The following CEP85L variants were observed in gnomAD, a reference collection of about 807,000 sequenced individuals.
The protein encoded by CEP85L is centrosomal protein of 85 kDa-like.
In CEP85L, 60 loss-of-function variants were observed where a neutral mutation model predicts 100.3. That is an observed-to-expected ratio of 0.60 (90% CI 0.49 to 0.74). The LOEUF (loss-of-function observed/expected upper bound fraction) is 0.74, where lower values mean the gene tolerates loss of function less well. Ranked by LOEUF, CEP85L falls within the 30% of genes least tolerant of loss-of-function variation. CEP85L has a pLI of 0.00. For missense variants in CEP85L, 973 were observed against 936.2 expected (o/e 1.04, Z -0.51); for synonymous variants, 319 against 322.7 (o/e 0.99, Z 0.12).
chr6:118,517,229 CTT>C (rs1410577750), intron 4 of CEP85L, among the ~76,000 whole-genome samples: 1 of 152,122 alleles, frequency 6.6e-6, no homozygotes, highest in Non-Finnish European at 1.5e-5. Context: ...TATCTAGACT[CTT>C]TTTTGGTTCC....
At chr6:118,680,823 C>T (rs1440865449) in intron 1 of CEP85L, among the ~76,000 whole-genome samples, 1 of 151,972 alleles carries the variant, frequency 6.6e-6, no homozygotes, top group East Asian at 1.9e-4. Flanking sequence ...CTGCAGTGAG[C>T]CAAGATCATG....
chr6:118,633,451 G>A (rs1774301688), intron 1 of CEP85L, among the ~76,000 whole-genome samples: 2 of 152,052 alleles, frequency 1.3e-5, no homozygotes, highest in Non-Finnish European at 2.9e-5. Context: ...TGATCCACCC[G>A]CCTCCGCCTC....
intron 2 of CEP85L, among the ~76,000 whole-genome samples, chr6:118,597,923 T>C (rs1222866723): frequency 6.6e-6 from 1 of 152,218 alleles, no homozygotes; most frequent in Non-Finnish European, 1.5e-5. Context: ...CCCAGGTTAA[T>C]ACCGTAATAC....
At chr6:118,564,066 T>G (rs1437096173) in intron 3 of CEP85L, among the ~76,000 whole-genome samples, 1 of 152,200 alleles carries the variant, frequency 6.6e-6, no homozygotes, top group Non-Finnish European at 1.5e-5. Context: ...CTCTCTACTA[T>G]GCACTAGAAA....
chr6:118,578,602 G>A (rs190557879), intron 2 of CEP85L, among the ~76,000 whole-genome samples: 24 of 152,142 alleles, frequency 1.6e-4, no homozygotes, highest in Admixed American at 5.9e-4. Context: ...GGTGGTGGGC[G>A]CCTGTAATCC....
chr6:118,594,982 A>C (rs73766572), intron 2 of CEP85L, among the ~76,000 whole-genome samples: 4,087 of 152,168 alleles, frequency 0.027, 189 homozygotes, highest in African/African-American at 0.093. Context: ...TGTCCTGAGG[A>C]AGGTTACGAG....
At chr6:118,690,285 A>C (rs1215685353) in intron 1 of CEP85L, among the ~76,000 whole-genome samples, 2 of 152,146 alleles carry the variant, frequency 1.3e-5, no homozygotes, top group African/African-American at 4.8e-5. Context: ...CAAATTTGTC[A>C]TGTCTAACTA....
At chr6:118,697,068 C>T (rs1319901489) in intron 1 of CEP85L, among the ~76,000 whole-genome samples, 1 of 152,120 alleles carries the variant, frequency 6.6e-6, no homozygotes, top group Non-Finnish European at 1.5e-5. Context: ...TTCTCATTGG[C>T]TAAAATGGGG....
intron 2 of CEP85L, among the ~76,000 whole-genome samples, chr6:118,606,605 C>T (rs1402245697): frequency 6.6e-6 from 1 of 152,220 alleles, no homozygotes; most frequent in Non-Finnish European, 1.5e-5. Context: ...AAAAGTACTG[C>T]CACGTGGTTA....
At chr6:118,494,424 T>G (rs987194822) in intron 5 of CEP85L, among the ~76,000 whole-genome samples, 4 of 152,180 alleles carry the variant, frequency 2.6e-5, no homozygotes, top group African/African-American at 4.8e-5. Flanking sequence ...CCTAAACTGC[T>G]GGGGTTTTAT....
At chr6:118,614,037 G>A (rs1466495434) in intron 2 of CEP85L, among the ~76,000 whole-genome samples, 1 of 152,048 alleles carries the variant, frequency 6.6e-6, no homozygotes, top group Non-Finnish European at 1.5e-5. Context: ...CCATGACCAA[G>A]TGGCGCTTAT....
rs868464322 is a variant in CEP85L at position 118,481,930 on chromosome 6, G to A, written c.1594C>T (p.Gln532Ter). 1.3e-6 allele frequency: 2 copies of A among 1,528,210 alleles called. No homozygotes were observed. Among genetic ancestry groups the A allele is most frequent in the East Asian group, 2.4e-5 (1 of 42,050 alleles). The allele number at this position is 1,528,210 out of a possible 1,614,324, so 94.7% of individuals were successfully genotyped here. The change falls in exon 8 of 13, where the codon CAG becomes TAG. Residue 532 changes from glutamine to a stop codon, truncating the protein, a stop_gained. Coordinates refer to ENST00000368491, the MANE Select transcript of CEP85L (RefSeq NM_001042475.3). LOFTEE classifies it high-confidence loss of function. ...DDVQSQSLQLQILEEKNKNLQ... is the reference protein window; with the variant it reads ...DDVQSQSLQL The stretch of plus-strand genomic sequence containing the variant: ...TTCTTATTTTTTTCTTCCAGAATCT[G>A]CAGCTAAGGAGAAATGTTTTACAGT...
chr6:118,542,357 AAT>A (rs1408955483), intron 3 of CEP85L, among the ~76,000 whole-genome samples: 1 of 152,130 alleles, frequency 6.6e-6, no homozygotes, highest in East Asian at 1.9e-4. Context: ...TTCCTTACCT[AAT>A]AGAGTGCCTG....
intron 10 of CEP85L, among the ~76,000 whole-genome samples, chr6:118,474,225 G>A (rs1312574276): frequency 1.3e-5 from 2 of 152,120 alleles, no homozygotes; most frequent in Non-Finnish European, 2.9e-5. Context: ...TAAGAGACTG[G>A]TATTTGAAAT....
intron 4 of CEP85L, among the ~76,000 whole-genome samples, chr6:118,522,620 G>A (rs777694602): frequency 8.5e-5 from 13 of 152,144 alleles, no homozygotes; most frequent in South Asian, 2.1e-4. Flanking sequence ...ACTCATGTTT[G>A]TAATCCTAGC....
rs565880144 is a variant in CEP85L at position 118,544,350 on chromosome 6, C to T, written c.1021-20430G>A. On this transcript the variant is annotated intron_variant, in intron 3 of 12. Coordinates refer to ENST00000368491, the MANE Select transcript of CEP85L (RefSeq NM_001042475.3). ...CCGTTTCCTTTGTACAAAACATGCA[C>T]TTCTCTTAGAAGTCATACTGCTTAT... Among the ~76,000 whole-genome samples the T allele has an allele frequency of 3.3e-5, 5 of 152,282 alleles. No homozygotes were observed. In the South Asian group the frequency reaches 1.0e-3, roughly 32 times the overall value.
At chr6:118,468,671 T>C (rs11965985) in intron 12 of CEP85L, among the ~76,000 whole-genome samples, 53,282 of 143,114 alleles carry the variant, frequency 0.37, 10,343 homozygotes, top group Non-Finnish European at 0.47. Context: ...ATAGAACATA[T>C]ACTGCACTGG....
At chr6:118,630,168 G>C (rs1252218329) in intron 2 of CEP85L, among the ~76,000 whole-genome samples, 1 of 152,160 alleles carries the variant, frequency 6.6e-6, no homozygotes, top group Non-Finnish European at 1.5e-5. Flanking sequence ...TTTTACATAT[G>C]AGTAAACCTA....
At chr6:118,533,029 A>T (rs1358562135) in intron 3 of CEP85L, among the ~76,000 whole-genome samples, 1 of 152,116 alleles carries the variant, frequency 6.6e-6, no homozygotes, top group Non-Finnish European at 1.5e-5. Context: ...TTACAGCACT[A>T]AGCAGTTATA....
Sources: gnomAD v4.1 joint callset for allele counts (sites outside exome capture counted in the v4.1 genomes callset) on GRCh38, gnomAD v4.1.1 for gene constraint, MANE v1.5 for transcripts, NCBI Gene and HGNC (gene_info 2026-07-23, HGNC 2026-07-21) for gene names.